PLEKHH1: variants seen among roughly 807,000 people sequenced by gnomAD.
The protein encoded by PLEKHH1 is pleckstrin homology, MyTH4 and FERM domain containing H1, also known as pleckstrin homology domain-containing family H member 1.
Under a neutral mutation model 160.0 loss-of-function variants are expected in PLEKHH1, and 104 were observed. The observed-to-expected ratio is 0.65, with a 90% CI of 0.55 to 0.76. The LOEUF is 0.76. PLEKHH1 is among the 30% of genes least tolerant of loss of function. The pLI, the probability that PLEKHH1 is intolerant of heterozygous loss-of-function variation, is 0.00. For missense variants in PLEKHH1, 1,427 were observed against 1,724.1 expected (o/e 0.83, Z 3.05); for synonymous variants, 619 against 678.4 (o/e 0.91, Z 1.36).
chr14:67,569,159 G>T lies in PLEKHH1; in HGVS notation c.1285G>T (p.Ala429Ser), dbSNP rs1394865086. The T allele has an allele frequency of 1.2e-6, 2 of 1,612,584 alleles. No individual in the cohort carries two copies. Among genetic ancestry groups the T allele is most frequent in the African/African-American group, 1.3e-5 (1 of 74,896 alleles). Residue 429 changes from alanine (A) to serine (S), a missense_variant, in exon 8 of 29, where the codon GCC (alanine) becomes TCC (serine). By Grantham distance (99) the Ala-to-Ser change is moderately conservative. Transcript: ENST00000329153. ...SSWESRIYAV[A>S]TSGMRLSDMS... ...TCAGGAGAGCCGGATCTATGCTGTG[G>T]CCACATCGGGCATGCGGCTCTCAGA...
rs553436595 is a variant in PLEKHH1 at position 67,582,180 on chromosome 14, G to A, written c.3396G>A (p.Leu1132=). Residue 1132 remains leucine (L), a synonymous_variant, in exon 24 of 29, where the codon TTG becomes TTA. Coordinates refer to ENST00000329153, the MANE Select transcript of PLEKHH1 (RefSeq NM_020715.3). The surrounding 1 kb of genome is among the most constrained non-coding windows in gnomAD (Gnocchi z 5.0). The part of the protein sequence containing the change: ...VAGRFPINKE[L]ALEMAALMAQ... ...GGAGGTTTCCTATCAACAAGGAATT[G>A]GCTCTTGAGATGGCTGCCCTGATGG... The A allele has an allele frequency of 1.9e-6, 3 of 1,613,602 alleles. No homozygotes were observed. Among genetic ancestry groups the A allele is most frequent in the East Asian group, 4.5e-5 (2 of 44,868 alleles).
In PLEKHH1 at chr14:67,587,147, C is replaced by G; in HGVS notation, c.4007C>G (p.Pro1336Arg). The change falls in exon 29 of 29, where the codon CCA becomes CGA. Residue 1336 changes from proline to arginine, a missense_variant. Pro to Arg is a moderately radical substitution (Grantham distance 103). Transcript: ENST00000329153. ...ACAACTGTGAACCCCCCCACCAACCCACCCGGAGCCTGCCAGCTGTGGGAA... is the reference window on the plus strand; with the variant it reads ...ACAACTGTGAACCCCCCCACCAACCGACCCGGAGCCTGCCAGCTGTGGGAA... ...CTTTVNPPTN[P>R]PGACQLWELD... 1 of 1,613,988 alleles carries G rather than the reference C, an allele frequency of 6.2e-7. No individual in the cohort carries two copies. The highest frequency in any genetic ancestry group is 1.1e-5 in the South Asian group (1 of 91,084).
rs774823391 is a variant in PLEKHH1 at position 67,578,531 on chromosome 14, C to T, written c.2752-3C>T. 1 of 1,601,742 alleles carries T rather than the reference C, an allele frequency of 6.2e-7. No individual in the cohort carries two copies. ...CACCCCACGCTGTCTGTGTCCCTGGCAGTGCTGGCAGCTCCTCGCTCTGTG... is the reference window on the plus strand; with the variant it reads ...CACCCCACGCTGTCTGTGTCCCTGGTAGTGCTGGCAGCTCCTCGCTCTGTG... On this transcript the variant is annotated splice_region_variant and splice_polypyrimidine_tract_variant and intron_variant, in intron 19 of 28. Transcript: ENST00000329153. This position sits in a 1 kb window ranked among gnomAD's most constrained non-coding sequence, Gnocchi z 5.0.
At chr14:67,563,438 G>C (rs567754720) in intron 7 of PLEKHH1, among the ~76,000 whole-genome samples, 1 of 151,480 alleles carries the variant, frequency 6.6e-6, no homozygotes, top group Non-Finnish European at 1.5e-5. Flanking sequence ...TTTTTTTGGG[G>C]GGTGGGGGTG....
Position 67,576,790 on chromosome 14 carries a change from G to A in PLEKHH1, c.2461+287G>A, listed in dbSNP as rs2035641259. Among the ~76,000 whole-genome samples the A allele has an allele frequency of 6.6e-6, 1 of 152,168 alleles. No individual in the cohort carries two copies. The highest frequency in any genetic ancestry group is 6.5e-5 in the Admixed American group (1 of 15,282). The stretch of plus-strand genomic sequence containing the variant: ...CCCGTTGCTGGCTGGGCAGAGGGCT[G>A]AGGAAAGAAGGTAGCTGGTTAATCT... On this transcript the variant is annotated intron_variant, in intron 17 of 28. Transcript: ENST00000329153. The surrounding 1 kb of genome is among the most constrained non-coding windows in gnomAD (Gnocchi z 4.0).
chr14:67,538,261 A>G (rs1021675692), intron 1 of PLEKHH1, among the ~76,000 whole-genome samples: 1 of 152,188 alleles, frequency 6.6e-6, no homozygotes, highest in African/African-American at 2.4e-5. Flanking sequence ...CATCATGGGA[A>G]GAGGACAATT....
At position 67,578,210 on chromosome 14, in the gene PLEKHH1, CA is replaced by C; in HGVS notation, c.2751+12del. ...TACTCCCTCATGCAGGTAGGCATGCCAGGGGTGGAGCAGCTGACAGAAGCCA... is the reference window on the plus strand; with the variant it reads ...TACTCCCTCATGCAGGTAGGCATGCCGGGGTGGAGCAGCTGACAGAAGCCA... On this transcript the variant is annotated intron_variant, in intron 19 of 28. Transcript: ENST00000329153. The surrounding 1 kb of genome is among the most constrained non-coding windows in gnomAD (Gnocchi z 5.0). 1 of 1,610,712 alleles carries C rather than the reference CA, an allele frequency of 6.2e-7. No homozygotes were observed. Among genetic ancestry groups the C allele is most frequent in the Non-Finnish European group, 8.5e-7 (1 of 1,177,530 alleles).
chr14:67,555,843 A>G lies in PLEKHH1; in HGVS notation c.145A>G (p.Arg49Gly), dbSNP rs1284126973. Reference protein sequence around the residue: ...LADKMQELEQRLLEAEQRAEN... With the variant: ...LADKMQELEQGLLEAEQRAEN... ...CAAGCAGATGCAGGAGCTGGAGCAGAGGCTGCTGGAGGCAGAGCAGAGAGC... is the reference window on the plus strand; with the variant it reads ...CAAGCAGATGCAGGAGCTGGAGCAGGGGCTGCTGGAGGCAGAGCAGAGAGC... Residue 49 changes from arginine (R) to glycine (G), a missense_variant, in exon 3 of 29, where the codon AGG (arginine) becomes GGG (glycine). Around this residue, in one of 6 missense-constraint regions of PLEKHH1, gnomAD observed 831 missense variants for 929.2 expected, o/e 0.89. Coordinates refer to ENST00000329153, the MANE Select transcript of PLEKHH1 (RefSeq NM_020715.3). 6.2e-7 allele frequency: 1 copy of G among 1,613,240 alleles called. No individual in the cohort carries two copies. The highest frequency in any genetic ancestry group is 1.7e-5 in the Admixed American group (1 of 59,972).
At chr14:67,586,423 G>A (rs1405754117) in intron 28 of PLEKHH1, 5 of 1,331,272 alleles carry the variant, frequency 3.8e-6, no homozygotes, top group Non-Finnish European at 4.9e-6. Flanking sequence ...CTTCCTTGCA[G>A]CAGTCCTCAA....
rs1390928052 is a variant in PLEKHH1, at chr14:67,559,671, G to C, written c.403G>C (p.Val135Leu). 26 of 1,606,122 alleles carry C rather than the reference G, an allele frequency of 1.6e-5. No individual in the cohort carries two copies. Among genetic ancestry groups the C allele is most frequent in the Non-Finnish European group, 2.2e-5 (26 of 1,176,280 alleles). ...AAAAGCTGCAAAGATCAAGGAATGG[G>C]TGACACTCAAGTTGGCAAAGGTGGG... is the stretch of plus-strand genomic sequence containing the variant. ...QEKAAKIKEWVTLKLAKLEME... is the reference protein window; with the variant it reads ...QEKAAKIKEWLTLKLAKLEME... The change falls in exon 5 of 29, where the codon GTG becomes CTG. Residue 135 changes from valine to leucine, a missense_variant. Physicochemically the swap from Val to Leu is conservative, Grantham distance 32. This residue lies in a region of PLEKHH1 where 831 missense variants were observed against 929.2 expected (regional missense o/e 0.89). Coordinates refer to ENST00000329153, the MANE Select transcript of PLEKHH1 (RefSeq NM_020715.3).
chr14:67,589,458 G>T lies in PLEKHH1; in HGVS notation c.*2223G>T. The T allele has an allele frequency of 1.0e-6, 1 of 985,292 alleles. No homozygotes were observed. The highest frequency in any genetic ancestry group is 1.2e-6 in the Non-Finnish European group (1 of 829,816). 61.0% of individuals were successfully genotyped at this position (985,292 alleles called of 1,614,324 possible). On this transcript the variant is annotated 3_prime_UTR_variant, in exon 29 of 29. Transcript: ENST00000329153. ...AAAAAAAATGCTGAGTAACAGAAAA[G>T]TATTAATGTGCTTGACACCATGACT...
rs546706542 is a variant in PLEKHH1, at chr14:67,580,515, G to A, written c.3184-423G>A. Among the ~76,000 whole-genome samples the A allele has an allele frequency of 4.0e-4, 61 of 152,332 alleles. 3 individuals are homozygous for A. In the South Asian group the frequency reaches 9.7e-3, roughly 24 times the overall value. On this transcript the variant is annotated intron_variant, in intron 22 of 28. Transcript: ENST00000329153. ...AAGGCTTCTATGGTCTTTTAACATT[G>A]CCTGGAAAAACTATGCCACATACCT... is the stretch of plus-strand genomic sequence containing the variant.
intron 1 of PLEKHH1, among the ~76,000 whole-genome samples, chr14:67,540,171 A>G (rs2033907106): frequency 6.6e-6 from 1 of 152,200 alleles, no homozygotes; most frequent in Non-Finnish European, 1.5e-5. Flanking sequence ...AAGAACTCCC[A>G]TATACCCATC....
In PLEKHH1 at chr14:67,558,222, G is replaced by A. The variant is rs374779139; in HGVS notation, c.339+804G>A. On this transcript the variant is annotated intron_variant, in intron 4 of 28. Coordinates refer to ENST00000329153, the MANE Select transcript of PLEKHH1 (RefSeq NM_020715.3). ...GCCTTACCTACCCAGCTTTCCCCTC[G>A]TGCCAGAATGCCATCATTTCCAACT... Among the ~76,000 whole-genome samples, 78 of 152,130 alleles carry A rather than the reference G, an allele frequency of 5.1e-4. 1 individual carries two copies. The highest frequency in any genetic ancestry group is 7.6e-4 in the Non-Finnish European group (52 of 67,994).
intron 2 of PLEKHH1, among the ~76,000 whole-genome samples, chr14:67,548,219 TCATTCTTG>T: frequency 6.6e-6 from 1 of 152,242 alleles, no homozygotes; most frequent in East Asian, 1.9e-4. Context: ...TTGGACTTTT[TCATTCTTG>T]CTAAACCTGT....
Position 67,576,025 on chromosome 14 carries a change from C to T in PLEKHH1, c.2352+20C>T, listed in dbSNP as rs1449986053. 6.3e-6 allele frequency: 10 copies of T among 1,580,052 alleles called. No individual in the cohort carries two copies. The Admixed American group carries it at 1.6e-4, about 25-fold the overall frequency. On this transcript the variant is annotated intron_variant, in intron 16 of 28. Coordinates refer to ENST00000329153, the MANE Select transcript of PLEKHH1 (RefSeq NM_020715.3). This position sits in a 1 kb window ranked among gnomAD's most constrained non-coding sequence, Gnocchi z 4.0. The stretch of plus-strand genomic sequence containing the variant: ...GAAAAGGTAAGGAAGAGGGCTGGGC[C>T]TCCAGGGCCAAGCTTGGACCTGTGA...
chr14:67,571,023 C>T (rs1258130605), intron 9 of PLEKHH1: 3 of 152,188 alleles, frequency 2.0e-5, no homozygotes, highest in African/African-American at 7.2e-5. Context: ...TGCCTGGCCC[C>T]TACCTCCTCC....
At position 67,574,695 on chromosome 14, in the gene PLEKHH1, C is replaced by T. The variant is rs1285805809; in HGVS notation, c.2088+292C>T. 1.3e-5 allele frequency among the ~76,000 whole-genome samples: 2 copies of T among 152,100 alleles called. No individual in the cohort carries two copies. Among genetic ancestry groups the T allele is most frequent in the Admixed American group, 6.5e-5 (1 of 15,276 alleles). ...CATTAGGGGCTGTCACCCACCCCCA[C>T]CTTATACCTGCCTCAGTGTTAATAG... On this transcript the variant is annotated intron_variant, in intron 14 of 28. Transcript: ENST00000329153. The surrounding 1 kb of genome is among the most constrained non-coding windows in gnomAD (Gnocchi z 4.2).
chr14:67,576,528 C>A lies in PLEKHH1; in HGVS notation c.2461+25C>A. 8.5e-7 allele frequency: 1 copy of A among 1,178,938 alleles called. No homozygotes were observed. Among genetic ancestry groups the A allele is most frequent in the Non-Finnish European group, 1.3e-6 (1 of 784,246 alleles). The allele number at this position is 1,178,938 out of a possible 1,614,324, so 73.0% of individuals were successfully genotyped here. A position where few individuals can be genotyped will look rare whatever the true frequency, so the allele number is the denominator to read the frequency against. On this transcript the variant is annotated intron_variant, in intron 17 of 28. Coordinates refer to ENST00000329153, the MANE Select transcript of PLEKHH1 (RefSeq NM_020715.3). The surrounding 1 kb of genome is among the most constrained non-coding windows in gnomAD (Gnocchi z 4.0). The stretch of plus-strand genomic sequence containing the variant: ...GGTAAGGCAAGGGTGGCCACCACTG[C>A]TTGGGTTGGAGGGTAGTGGCTTGGT...
Sources: allele counts gnomAD v4.1 joint callset (sites outside exome capture counted in the v4.1 genomes callset), GRCh38; gene constraint gnomAD v4.1.1; regional missense constraint gnomAD v4.1.1; non-coding constraint Gnocchi (gnomAD v3.1); transcripts MANE v1.5; gene names NCBI Gene and HGNC (gene_info 2026-07-23, HGNC 2026-07-21).